KIDINS220: variants seen among roughly 807,000 people sequenced by gnomAD.
KIDINS220 encodes kinase D interacting substrate 220, also known as kinase D-interacting substrate of 220 kDa.
A neutral mutation model predicts 157.6 loss-of-function variants in KIDINS220; 63 were observed. That is an observed-to-expected ratio of 0.40 (90% CI 0.33 to 0.49). The LOEUF is 0.49. Ranked by LOEUF, KIDINS220 falls within the 20% of genes least tolerant of loss-of-function variation. KIDINS220 has a pLI of 0.66. For synonymous variants in KIDINS220, 732 were observed against 783.6 expected (o/e 0.93, Z 1.10); for missense variants, 1,772 against 2,171.2 (o/e 0.82, Z 3.65).
At chr2:8,733,755 C>G in intron 28 of KIDINS220, 75 bp from the exon 29 acceptor site, 3 of 1,009,968 alleles carry the variant, frequency 3.0e-6, no homozygotes, top group South Asian at 3.7e-5. Flanking sequence ...TTAGAAATAC[C>G]AAACATTATA....
At chr2:8,837,262 T>G (rs879848414) in intron 1 of KIDINS220, among the ~76,000 whole-genome samples, 4 of 149,296 alleles carry the variant, frequency 2.7e-5, no homozygotes, top group Admixed American at 2.7e-4. Flanking sequence ...TTCCCGGCGC[T>G]CCAGGAAACG....
At chr2:8,756,044 T>C (rs1667969879) in intron 22 of KIDINS220, among the ~76,000 whole-genome samples, 1 of 152,216 alleles carries the variant, frequency 6.6e-6, no homozygotes, top group South Asian at 2.1e-4. Flanking sequence ...AGGTATAATA[T>C]TGAATCTGTA....
At chr2:8,803,200 T>C in intron 7 of KIDINS220, 73 bp from the exon 8 acceptor site, 1 of 1,228,620 alleles carries the variant, frequency 8.1e-7, no homozygotes, top group Non-Finnish European at 1.1e-6. Flanking sequence ...AAATATATGA[T>C]TTATGCCATA....
intron 20 of KIDINS220, 126 bp from the exon 21 acceptor site, chr2:8,777,018 C>A: frequency 2.1e-6 from 2 of 935,124 alleles, no homozygotes; most frequent in Non-Finnish European, 3.2e-6. Context: ...AGAGGAATAT[C>A]ATACAGTAAT....
rs557390519 is a variant in KIDINS220 at position 8,768,190 on chromosome 2, A to C, written c.3011+2480T>G. 1.7e-4 allele frequency among the ~76,000 whole-genome samples: 26 copies of C among 152,314 alleles called. 3 individuals are homozygous for C. Among genetic ancestry groups the C allele is most frequent in the African/African-American group, 6.3e-4 (26 of 41,590 alleles). On this transcript the variant is annotated intron_variant, in intron 22 of 29. Transcript: ENST00000256707. Reference sequence around the variant, plus strand: ...TGGTTGTCTAAAATGCTGCAATAAAAACTAGACAAAAAATTTTTAGTTTTT... The same window carrying C: ...TGGTTGTCTAAAATGCTGCAATAAACACTAGACAAAAAATTTTTAGTTTTT...
In KIDINS220 at chr2:8,751,538, C is replaced by T. The variant is rs758988647; in HGVS notation, c.3118G>A (p.Val1040Met). Residue 1040 changes from valine (V) to methionine (M), a missense_variant, in exon 23 of 30, where the codon GTG (valine) becomes ATG (methionine). This residue lies in a region of KIDINS220 where 725 missense variants were observed against 1,017.1 expected (regional missense o/e 0.71). Coordinates refer to ENST00000256707, the MANE Select transcript of KIDINS220 (RefSeq NM_020738.4). ...VFLSSRTPVLVARDVKVFLPC... is the reference protein window; with the variant it reads ...VFLSSRTPVLMARDVKVFLPC... ...AAAAAGACTTTTACATCTCGAGCCA[C>T]AAGAACTGGGGTCCTTGAAGACAAA... 6.2e-7 allele frequency: 1 copy of T among 1,613,714 alleles called. No homozygotes were observed. The highest frequency in any genetic ancestry group is 8.5e-7 in the Non-Finnish European group (1 of 1,179,880).
intron 1 of KIDINS220, among the ~76,000 whole-genome samples, chr2:8,836,848 T>G (rs1183507638): frequency 6.6e-6 from 1 of 152,188 alleles, no homozygotes; most frequent in East Asian, 1.9e-4. Flanking sequence ...GCATAGTTAT[T>G]CATAAAAAAA....
At chr2:8,726,932 A>G, downstream of KIDINS220, 1 of 1,288,406 alleles carries the variant, frequency 7.8e-7, no homozygotes, top group South Asian at 1.2e-5. Flanking sequence ...TCTCAAGGCC[A>G]GCATTTTCTT....
At chr2:8,786,400 G>C (rs767274522) in intron 15 of KIDINS220, 43 bp from the exon 16 acceptor site, 2 of 1,488,526 alleles carry the variant, frequency 1.3e-6, no homozygotes, top group Non-Finnish European at 9.3e-7. Context: ...ATTATCTAAA[G>C]TAACAAATAA....
At chr2:8,783,135 T>C (rs1469830670) in intron 17 of KIDINS220, among the ~76,000 whole-genome samples, 1 of 150,268 alleles carries the variant, frequency 6.7e-6, no homozygotes, top group African/African-American at 2.5e-5. Context: ...AGGTGGAGGT[T>C]GTAGTGAGCT....
At position 8,731,760 on chromosome 2, in the gene KIDINS220, A is replaced by C. The variant is rs1335784955; in HGVS notation, c.4276T>G (p.Ser1426Ala). ...TCTTGCTCTAGGTTTGAATGAATAG[A>C]GCCCCCTGATGAACTCTGACCCATG... Reference protein sequence around the residue: ...YYMGQSSSGGSIHSNLEQEKG... With the variant: ...YYMGQSSSGGAIHSNLEQEKG... The change falls in exon 30 of 30, where the codon TCT (serine) becomes GCT (alanine). Residue 1426 changes from serine to alanine, a missense_variant. By Grantham distance (99) the Ser-to-Ala change is moderately conservative. Coordinates refer to ENST00000256707, the MANE Select transcript of KIDINS220 (RefSeq NM_020738.4). This position sits in a 1 kb window ranked among gnomAD's most constrained non-coding sequence, Gnocchi z 5.2. 2 of 1,613,970 alleles carry C rather than the reference A, an allele frequency of 1.2e-6. No homozygotes were observed. The highest frequency in any genetic ancestry group is 2.7e-5 in the African/African-American group (2 of 74,910).
In KIDINS220 at chr2:8,750,196, G is replaced by A. The variant is rs544771878; in HGVS notation, c.3330C>T (p.Pro1110=). The A allele has an allele frequency of 2.8e-4, 454 of 1,614,190 alleles. 2 individuals are homozygous for A. The South Asian group carries it at 4.8e-3, about 17-fold the overall frequency. The change falls in exon 24 of 30, where the codon CCC becomes CCT. Residue 1110 remains proline (P), a synonymous_variant. Coordinates refer to ENST00000256707, the MANE Select transcript of KIDINS220 (RefSeq NM_020738.4). ...SVCSSTSFNG[P]FAGGVVSPQP... ...GTGGTGACACCACTCCACCTGCGAA[G>A]GGCCCATTGAAGGACGTGGAAGAGC...
intron 17 of KIDINS220, among the ~76,000 whole-genome samples, chr2:8,781,153 A>ATATATATATATATAATAT (rs70946383): frequency 5.4e-5 from 7 of 130,410 alleles, no homozygotes; most frequent in African/African-American, 1.1e-4. Context: ...ATATATATAT[A>ATATATATATATATAATAT]ATATATATAT....
intron 22 of KIDINS220, among the ~76,000 whole-genome samples, chr2:8,766,660 C>G (rs746079510): frequency 7.2e-5 from 11 of 152,134 alleles, no homozygotes; most frequent in Non-Finnish European, 1.2e-4. Context: ...GAATTTTAAG[C>G]TTTCTCCCCT....
intron 22 of KIDINS220, among the ~76,000 whole-genome samples, chr2:8,754,753 A>G (rs1036099290): frequency 1.3e-5 from 2 of 152,254 alleles, no homozygotes; most frequent in Admixed American, 6.5e-5. Context: ...TTTAAATTAC[A>G]TAAAAGATTT....
In KIDINS220 at chr2:8,793,917, T is replaced by C; in HGVS notation, c.1169A>G (p.Asn390Ser). 5 of 1,614,094 alleles carry C rather than the reference T, an allele frequency of 3.1e-6. No homozygotes were observed. Among genetic ancestry groups the C allele is most frequent in the Non-Finnish European group, 4.2e-6 (5 of 1,180,000 alleles). Residue 390 changes from asparagine (N) to serine (S), a missense_variant, in exon 12 of 30, where the codon AAT becomes AGT. Transcript: ENST00000256707. ...ATAAAGTAATCGCCCATCTTTGGGA[T>C]TTCTTAAAAGCAGTTCTGCCAGTTT... is the stretch of plus-strand genomic sequence containing the variant. The part of the protein sequence containing the change: ...SRKLAELLLR[N>S]PKDGRLLYRP...
At chr2:8,750,457 T>A (rs757029753) in intron 23 of KIDINS220, 122 bp from the exon 24 acceptor site, 58 of 580,756 alleles carry the variant, frequency 1.0e-4, no homozygotes, top group Middle Eastern at 5.0e-4. Context: ...TGCCACGGAT[T>A]CCAACTAGAT....
intron 14 of KIDINS220, 98 bp downstream of exon 14, chr2:8,789,782 T>C: frequency 1.1e-6 from 1 of 932,284 alleles, no homozygotes; most frequent in Non-Finnish European, 1.6e-6. Flanking sequence ...GAAAATCACA[T>C]ACAGGTTTTA....
At chr2:8,767,038 A>G (rs1177809005) in intron 22 of KIDINS220, among the ~76,000 whole-genome samples, 1 of 152,220 alleles carries the variant, frequency 6.6e-6, no homozygotes, top group Non-Finnish European at 1.5e-5. Context: ...TACAAATGTC[A>G]TTTATTTCTG....
Sources: gnomAD v4.1 joint callset for allele counts (sites outside exome capture counted in the v4.1 genomes callset) on GRCh38, gnomAD v4.1.1 for gene constraint, gnomAD v4.1.1 regional missense constraint, Gnocchi (gnomAD v3.1) non-coding constraint, MANE v1.5 for transcripts, NCBI Gene and HGNC (gene_info 2026-07-23, HGNC 2026-07-21) for gene names.